Variants in VAV1 observed in about 807,000 individuals in gnomAD.
The protein encoded by VAV1 is proto-oncogene vav.
Under a neutral mutation model 128.1 loss-of-function variants are expected in VAV1, and 33 were observed. The ratio of observed to expected loss-of-function variants is 0.26; its 90% CI spans 0.20 to 0.34. The LOEUF is 0.34. Ranked by LOEUF, VAV1 falls within the 10% of genes least tolerant of loss-of-function variation. The probability of loss-of-function intolerance (pLI) is 1.00; values close to 1 mark genes in which losing one functional copy is unlikely to be tolerated. For synonymous variants in VAV1, 394 were observed against 409.8 expected, an observed-to-expected ratio of 0.96 and a Z score of 0.47; for missense variants, 715 against 1,093.7, an observed-to-expected ratio of 0.65 and a Z score of 4.88.
chr19:6,823,371 C>T (rs931930154), intron 6 of VAV1, among the ~76,000 whole-genome samples: 1 of 151,370 alleles, frequency 6.6e-6, no homozygotes, highest in South Asian at 2.1e-4. Flanking sequence ...GTGATCTGCC[C>T]ACCTCGGCCT....
chr19:6,828,812 T>C lies in VAV1; in HGVS notation c.1180-3T>C, dbSNP rs1971981020. The C allele has an allele frequency of 1.9e-6, 3 of 1,614,126 alleles. No individual in the cohort carries two copies. The East Asian group carries it at 6.7e-5, about 36-fold the overall frequency. On this transcript the variant is annotated splice_region_variant and splice_polypyrimidine_tract_variant and intron_variant, in intron 12 of 26. Coordinates refer to ENST00000602142, the MANE Select transcript of VAV1 (RefSeq NM_005428.4). The surrounding 1 kb of genome is among the most constrained non-coding windows in gnomAD (Gnocchi z 4.5). ...CTTGCTAGACCCCCTGCCTACTGCA[T>C]AGGACCAGTCTCTGGCTCACTATGG... is the stretch of plus-strand genomic sequence containing the variant.
intron 15 of VAV1, among the ~76,000 whole-genome samples, chr19:6,832,476 TTCC>T (rs1178010086): frequency 7.3e-5 from 11 of 150,994 alleles, no homozygotes; most frequent in Non-Finnish European, 7.4e-5. Flanking sequence ...TCTGGTTTCC[TTCC>T]TCCTCCTCCT....
intron 26 of VAV1, among the ~76,000 whole-genome samples, chr19:6,856,465 T>C (rs1972804040): frequency 6.6e-6 from 1 of 152,066 alleles, no homozygotes; most frequent in African/African-American, 2.4e-5. Flanking sequence ...CTCATGCCTG[T>C]AATCCCAGCA....
chr19:6,850,800 G>A, intron 24 of VAV1, 43 bp downstream of exon 24: 1 of 1,604,974 alleles, frequency 6.2e-7, no homozygotes, highest in Non-Finnish European at 8.5e-7. Context: ...CCAGAACCTA[G>A]GAGGACCCTC....
intron 1 of VAV1, among the ~76,000 whole-genome samples, chr19:6,774,731 G>A (rs557201510): frequency 6.2e-4 from 94 of 151,672 alleles, no homozygotes; most frequent in African/African-American, 2.1e-3. Context: ...CACTGTGCCC[G>A]GCTGCTCCTT....
chr19:6,830,739 T>C (rs1442661013), intron 14 of VAV1, among the ~76,000 whole-genome samples: 1 of 152,148 alleles, frequency 6.6e-6, no homozygotes, highest in Non-Finnish European at 1.5e-5. Context: ...TGTGCCCAGC[T>C]TATTTTATTT....
At position 6,828,716 on chromosome 19, in the gene VAV1, G is replaced by A. The variant is rs753650216; in HGVS notation, c.1179+8G>A. On this transcript the variant is annotated splice_region_variant and intron_variant, in intron 12 of 26. Coordinates refer to ENST00000602142, the MANE Select transcript of VAV1 (RefSeq NM_005428.4). This position sits in a 1 kb window ranked among gnomAD's most constrained non-coding sequence, Gnocchi z 4.5. The stretch of plus-strand genomic sequence containing the variant: ...CTGTCCATTGAGAACCTGGTGAGGC[G>A]GTGGAGCCGGGTGGGCCAGGGGTGT... 21 of 1,614,080 alleles carry A rather than the reference G, an allele frequency of 1.3e-5. No homozygotes were observed. The highest frequency in any genetic ancestry group is 1.7e-5 in the Non-Finnish European group (20 of 1,180,036).
At chr19:6,791,950 GA>G (rs1568287062) in intron 1 of VAV1, among the ~76,000 whole-genome samples, 9 of 151,710 alleles carry the variant, frequency 5.9e-5, no homozygotes, top group Non-Finnish European at 1.5e-5. Flanking sequence ...GAGTGGTAAA[GA>G]ATGAGGTTTG....
intron 1 of VAV1, among the ~76,000 whole-genome samples, chr19:6,774,651 T>A (rs935577445): frequency 6.7e-6 from 1 of 150,254 alleles, no homozygotes; most frequent in African/African-American, 2.5e-5. Context: ...GCCAGGCTAG[T>A]CTTGAACTCC....
intron 26 of VAV1, among the ~76,000 whole-genome samples, chr19:6,856,731 A>G (rs1240726190): frequency 3.2e-5 from 4 of 124,248 alleles, no homozygotes; most frequent in Admixed American, 1.5e-4. Flanking sequence ...CTCAAAAAAG[A>G]AAAAAAAAAA....
In VAV1 at chr19:6,857,306, C is replaced by T; in HGVS notation, c.*199C>T. On this transcript the variant is annotated 3_prime_UTR_variant, in exon 27 of 27. Transcript: ENST00000602142. Reference sequence around the variant, plus strand: ...ATAACACCCCGATTTCCTCTTGGGTCCCCTCAAGCAGACGGGGCTCAAGGG... The same window carrying T: ...ATAACACCCCGATTTCCTCTTGGGTTCCCTCAAGCAGACGGGGCTCAAGGG... The T allele has an allele frequency of 1.6e-6, 1 of 637,396 alleles. No homozygotes were observed. The highest frequency in any genetic ancestry group is 2.0e-5 in the South Asian group (1 of 50,228). 39.5% of individuals were successfully genotyped at this position (637,396 alleles called of 1,614,324 possible).
intron 1 of VAV1, among the ~76,000 whole-genome samples, chr19:6,810,400 A>C (rs1971489830): frequency 6.6e-6 from 1 of 152,160 alleles, no homozygotes; most frequent in Non-Finnish European, 1.5e-5. Context: ...GTAGACGATC[A>C]CCTATGAAAT....
chr19:6,798,080 C>G (rs978085774), intron 1 of VAV1, among the ~76,000 whole-genome samples: 25 of 152,098 alleles, frequency 1.6e-4, no homozygotes, highest in African/African-American at 5.6e-4. Flanking sequence ...AGTTCAAGAC[C>G]AGCCTAGCCA....
At chr19:6,774,742 C>A (rs1970584970) in intron 1 of VAV1, among the ~76,000 whole-genome samples, 1 of 150,674 alleles carries the variant, frequency 6.6e-6, no homozygotes, top group Admixed American at 6.6e-5. Flanking sequence ...GCTGCTCCTT[C>A]TGTTTTTTTT....
In VAV1 at chr19:6,822,077, G is replaced by C; in HGVS notation, c.450-144G>C. ...TCTTGGGGGACATGGCCCTGCCCTG[G>C]AGCTTGGAGGGACATGGCCTGCCCT... is the stretch of plus-strand genomic sequence containing the variant. On this transcript the variant is annotated intron_variant, in intron 4 of 26. Coordinates refer to ENST00000602142, the MANE Select transcript of VAV1 (RefSeq NM_005428.4). The surrounding 1 kb of genome is among the most constrained non-coding windows in gnomAD (Gnocchi z 5.9). The C allele has an allele frequency of 1.0e-6, 1 of 997,786 alleles. No homozygotes were observed. Among genetic ancestry groups the C allele is most frequent in the Non-Finnish European group, 1.5e-6 (1 of 667,812 alleles). The allele number at this position is 997,786 out of a possible 1,614,324, so 61.8% of individuals were successfully genotyped here. A position where few individuals can be genotyped will look rare whatever the true frequency, so the allele number is the denominator to read the frequency against.
intron 21 of VAV1, among the ~76,000 whole-genome samples, chr19:6,838,317 A>ATCTATCT (rs1270599088): frequency 2.7e-5 from 4 of 150,740 alleles, no homozygotes; most frequent in Non-Finnish European, 4.4e-5. Flanking sequence ...CTATCTATCT[A>ATCTATCT]TCTATCTATC....
chr19:6,809,512 C>A (rs182117882), intron 1 of VAV1, among the ~76,000 whole-genome samples: 39 of 152,208 alleles, frequency 2.6e-4, no homozygotes, highest in African/African-American at 8.9e-4. Flanking sequence ...GTGTGGCAAC[C>A]ACTTCCACCT....
intron 9 of VAV1, among the ~76,000 whole-genome samples, chr19:6,827,475 A>G (rs1971945582): frequency 6.6e-6 from 1 of 151,932 alleles, no homozygotes; most frequent in Non-Finnish European, 1.5e-5. Context: ...GGGTTTCACC[A>G]TGTTATCCAG....
At chr19:6,795,710 G>A (rs1356929778) in intron 1 of VAV1, among the ~76,000 whole-genome samples, 3 of 152,008 alleles carry the variant, frequency 2.0e-5, no homozygotes, top group African/African-American at 4.8e-5. Context: ...TTGAGATGGA[G>A]TCTCACTCTG....
Sources: gnomAD v4.1 joint callset for allele counts (sites outside exome capture counted in the v4.1 genomes callset) on GRCh38, gnomAD v4.1.1 for gene constraint, Gnocchi (gnomAD v3.1) non-coding constraint, MANE v1.5 for transcripts, NCBI Gene and HGNC (gene_info 2026-07-23, HGNC 2026-07-21) for gene names.